Variants in SEMA4F observed in about 807,000 individuals in gnomAD.
SEMA4F encodes ssemaphorin 4F, also known as semaphorin-4F.
A neutral mutation model predicts 78.4 loss-of-function variants in SEMA4F; 51 were observed. The ratio of observed to expected loss-of-function variants is 0.65; its 90% CI spans 0.52 to 0.82. The LOEUF (loss-of-function observed/expected upper bound fraction) is 0.82, where lower values mean the gene tolerates loss of function less well. SEMA4F is among the 40% of genes least tolerant of loss of function. SEMA4F has a pLI of 0.00. For synonymous variants in SEMA4F, 418 were observed against 408.7 expected, an observed-to-expected ratio of 1.02 and a Z score of -0.27; for missense variants, 938 against 1,014.4, an observed-to-expected ratio of 0.92 and a Z score of 1.02.
intron 4 of SEMA4F, among the ~76,000 whole-genome samples, chr2:74,660,112 G>A (rs2104926490): frequency 6.6e-6 from 1 of 152,298 alleles, no homozygotes; most frequent in East Asian, 1.9e-4. Context: ...CTTGGTATTA[G>A]GTACTTTACA....
At chr2:74,700,403 C>G in the SEMA4F span, among the ~76,000 whole-genome samples, 6 of 152,034 alleles carry the variant, frequency 3.9e-5, no homozygotes, top group Admixed American at 3.3e-4. Context: ...CCTGCCTGAC[C>G]CTGAGTAGCA....
Position 74,683,695 on chromosome 2 carries a change from T to A in SEMA4F, c.*3486T>A, listed in dbSNP as rs1468505880. ...TAAGAACCAGAGGATTTTCTGCCCT[T>A]TGCTGGGAGCCACATGAGCCCCCTG... On this transcript the variant is annotated 3_prime_UTR_variant, in exon 14 of 14. Transcript: ENST00000357877. 1 of 152,086 alleles carries A rather than the reference T, an allele frequency of 6.6e-6. No individual in the cohort carries two copies. The highest frequency in any genetic ancestry group is 1.9e-4 in the East Asian group (1 of 5,188). The allele number at this position is 152,086 out of a possible 1,614,324, so 9.4% of individuals were successfully genotyped here.
the SEMA4F span, among the ~76,000 whole-genome samples, chr2:74,704,311 G>T: frequency 6.7e-6 from 1 of 148,290 alleles, no homozygotes; most frequent in Non-Finnish European, 1.5e-5. Context: ...ATGGCTATTT[G>T]GCCTTCAACT....
chr2:74,681,053 T>A lies in SEMA4F; in HGVS notation c.*844T>A, dbSNP rs1405727810. 6.5e-6 allele frequency: 1 copy of A among 152,760 alleles called. No individual in the cohort carries two copies. Among genetic ancestry groups the A allele is most frequent in the African/African-American group, 2.4e-5 (1 of 41,450 alleles). 9.5% of individuals were successfully genotyped at this position (152,760 alleles called of 1,614,324 possible). A position where few individuals can be genotyped will look rare whatever the true frequency, so the allele number is the denominator to read the frequency against. ...CTTTTCTTTGTTTTTACCCCCTGGC[T>A]GCCACCACTGCCATGTCACAGCTGC... On this transcript the variant is annotated 3_prime_UTR_variant, in exon 14 of 14. Transcript: ENST00000357877.
chr2:74,668,699 C>T (rs1684820890), intron 5 of SEMA4F, among the ~76,000 whole-genome samples: 1 of 151,480 alleles, frequency 6.6e-6, no homozygotes, highest in Non-Finnish European at 1.5e-5. Context: ...CAACCTCCAC[C>T]TCCTGGGTTC....
At chr2:74,691,996 C>T in the SEMA4F span, among the ~76,000 whole-genome samples, 1 of 152,160 alleles carries the variant, frequency 6.6e-6, no homozygotes, top group East Asian at 1.9e-4. Flanking sequence ...CAGGCCTGAC[C>T]ACCCTCCGAT....
At chr2:74,705,104 T>G in the SEMA4F span, among the ~76,000 whole-genome samples, 1 of 152,308 alleles carries the variant, frequency 6.6e-6, no homozygotes, top group South Asian at 2.1e-4. Context: ...AAATACAAAT[T>G]ACATTTTTTA....
At chr2:74,660,396 T>G (rs1205061938) in intron 4 of SEMA4F, among the ~76,000 whole-genome samples, 1 of 152,244 alleles carries the variant, frequency 6.6e-6, no homozygotes, top group East Asian at 1.9e-4. Context: ...ATCTTTCTTT[T>G]CTTTGCTTTT....
rs755079906 is a variant in SEMA4F at position 74,680,162 on chromosome 2, C to T, written c.2266C>T (p.Arg756Trp). The T allele has an allele frequency of 1.6e-5, 25 of 1,599,038 alleles. No individual in the cohort carries two copies. Among genetic ancestry groups the T allele is most frequent in the Middle Eastern group, 1.7e-4 (1 of 6,024 alleles). Residue 756 changes from arginine (R) to tryptophan (W), a missense_variant, in exon 14 of 14, where the codon CGG (arginine) becomes TGG (tryptophan). By Grantham distance (101) the Arg-to-Trp change is moderately radical (BLOSUM62 -3). Transcript: ENST00000357877. The stretch of plus-strand genomic sequence containing the variant: ...TCCTTGCCCAAGCCCAGCCCACATT[C>T]GGCTAACTGGGGCTCCTCTAGCCAC... ...LDPCPSPAHI[R>W]LTGAPLATCD...
the SEMA4F span, among the ~76,000 whole-genome samples, chr2:74,703,844 C>T: frequency 1.3e-5 from 2 of 152,224 alleles, no homozygotes; most frequent in African/African-American, 4.8e-5. Context: ...GGAGGGTCCT[C>T]CTGCATCTCT....
chr2:74,663,924 TG>T (rs1288402851), intron 5 of SEMA4F, among the ~76,000 whole-genome samples: 1 of 152,256 alleles, frequency 6.6e-6, no homozygotes, highest in Non-Finnish European at 1.5e-5. Context: ...AGTCCTTTGT[TG>T]CTCAGGGGAG....
intron 5 of SEMA4F, among the ~76,000 whole-genome samples, chr2:74,672,843 T>C (rs1049946012): frequency 6.6e-6 from 1 of 152,198 alleles, no homozygotes; most frequent in Non-Finnish European, 1.5e-5. Context: ...AGTGAGGTCC[T>C]GAATCACCTG....
rs377755044 is a variant in SEMA4F at position 74,675,431 on chromosome 2, C to A, written c.1372+47C>A. 6.9e-6 allele frequency: 11 copies of A among 1,596,448 alleles called. No homozygotes were observed. The East Asian group carries it at 1.1e-4, about 16-fold the overall frequency. On this transcript the variant is annotated intron_variant, in intron 10 of 13. Coordinates refer to ENST00000357877, the MANE Select transcript of SEMA4F (RefSeq NM_004263.5). ...GCTGCCTACCTAGTGCATACACATT[C>A]TCGTCACAGAGAGGGTACTGTAATA...
chr2:74,673,149 T>C (rs552752525), intron 5 of SEMA4F, among the ~76,000 whole-genome samples: 4 of 152,320 alleles, frequency 2.6e-5, no homozygotes, highest in African/African-American at 9.6e-5. Flanking sequence ...ACAGGATTAC[T>C]GAAATAGCAA....
Position 74,654,406 on chromosome 2 carries a change from G to C in SEMA4F, c.30G>C (p.Pro10=). 6.5e-7 allele frequency: 1 copy of C among 1,533,276 alleles called. No homozygotes were observed. The highest frequency in any genetic ancestry group is 8.7e-7 in the Non-Finnish European group (1 of 1,148,106). 95.0% of individuals were successfully genotyped at this position (1,533,276 alleles called of 1,614,324 possible). A position where few individuals can be genotyped will look rare whatever the true frequency, so the allele number is the denominator to read the frequency against. The change falls in exon 1 of 14, where the codon CCG becomes CCC. Residue 10 remains proline, a synonymous_variant. Transcript: ENST00000357877. MPASAARPR[P]GPGQPTASPF... is the part of the protein sequence containing the mutation. ...CGGCCTCTGCTGCGCGGCCCCGCCCGGGTCCCGGGCAGCCTACAGCCTCGC... is the reference window on the plus strand; with the variant it reads ...CGGCCTCTGCTGCGCGGCCCCGCCCCGGTCCCGGGCAGCCTACAGCCTCGC...
intron 12 of SEMA4F, among the ~76,000 whole-genome samples, chr2:74,678,716 C>T (rs1003247008): frequency 1.4e-4 from 21 of 152,078 alleles, no homozygotes; most frequent in African/African-American, 4.1e-4. Flanking sequence ...CTGGAGCTTC[C>T]GGCTGGATGA....
chr2:74,674,716 G>C, intron 8 of SEMA4F, 40 bp downstream of exon 8: 2 of 1,602,062 alleles, frequency 1.2e-6, no homozygotes, highest in Non-Finnish European at 1.7e-6. Context: ...CAGGGTGGGA[G>C]ATATGTGGGG....
the SEMA4F span, among the ~76,000 whole-genome samples, chr2:74,695,925 A>G: frequency 3.3e-5 from 5 of 152,300 alleles, no homozygotes; most frequent in South Asian, 1.0e-3. Context: ...CCTTATTTAT[A>G]GAAGAGCAAG....
the SEMA4F span, among the ~76,000 whole-genome samples, chr2:74,692,229 A>G: frequency 6.6e-6 from 1 of 152,198 alleles, no homozygotes; most frequent in African/African-American, 2.4e-5. Context: ...GATGCACCAC[A>G]CATACCAGCA....
Sources: gnomAD v4.1 joint callset for allele counts (sites outside exome capture counted in the v4.1 genomes callset) on GRCh38, gnomAD v4.1.1 for gene constraint, MANE v1.5 for transcripts, NCBI Gene and HGNC (gene_info 2026-07-23, HGNC 2026-07-21) for gene names.